WDR35: variants seen among roughly 807,000 people sequenced by gnomAD.
The protein encoded by WDR35 is WD repeat-containing protein 35.
WDR35 carries 118 observed loss-of-function variants against 158.3 expected under a neutral mutation model. The observed-to-expected ratio is 0.75, with a 90% CI of 0.64 to 0.87. The LOEUF is 0.87. WDR35 is among the 40% of genes least tolerant of loss of function. The pLI is 0.00. For missense variants in WDR35, 1,263 were observed against 1,405.8 expected (o/e 0.90, Z 1.62); for synonymous variants, 448 against 476.1 (o/e 0.94, Z 0.77).
At chr2:19,979,318 A>G (rs1400469792) in intron 4 of WDR35, among the ~76,000 whole-genome samples, 1 of 152,228 alleles carries the variant, frequency 6.6e-6, no homozygotes, top group African/African-American at 2.4e-5. Context: ...AAACTCTCCA[A>G]TGAATAATTA....
chr2:19,962,207 C>A, intron 10 of WDR35: 1 of 1,402,026 alleles, frequency 7.1e-7, no homozygotes, highest in Non-Finnish European at 1.0e-6. Context: ...GAAGTCCCCT[C>A]ATATTGCTAC....
chr2:19,931,760 A>C (rs1670532899), intron 23 of WDR35, among the ~76,000 whole-genome samples: 1 of 152,140 alleles, frequency 6.6e-6, no homozygotes, highest in African/African-American at 2.4e-5. Context: ...AAGTACACAA[A>C]GATATGATAG....
In WDR35 at chr2:19,936,245, T is replaced by C; in HGVS notation, c.2388A>G (p.Gly796=). 1 of 1,614,002 alleles carries C rather than the reference T, an allele frequency of 6.2e-7. No individual in the cohort carries two copies. The highest frequency in any genetic ancestry group is 1.1e-5 in the South Asian group (1 of 91,084). ...SLLEQANNAI[G]DYFADRQKWL... ...ACTTTTGTCGATCAGCAAAGTAGTC[T>C]CCAATGGCATTGTTGGCTTGTTCCA... is the stretch of plus-strand genomic sequence containing the variant. Residue 796 remains glycine, a synonymous_variant, in exon 20 of 27, where the codon GGA becomes GGG. Coordinates refer to ENST00000281405, the MANE Select transcript of WDR35 (RefSeq NM_020779.4).
intron 25 of WDR35, among the ~76,000 whole-genome samples, chr2:19,917,081 C>G (rs2103381769): frequency 6.6e-6 from 1 of 152,346 alleles, no homozygotes; most frequent in Non-Finnish European, 1.5e-5. Context: ...GCAGCCTCCA[C>G]TGGTGATACC....
Position 19,937,945 on chromosome 2 carries a change from G to A in WDR35, c.2065C>T (p.Arg689Cys), listed in dbSNP as rs140196566. Residue 689 changes from arginine (R) to cysteine (C), a missense_variant and splice_region_variant, in exon 19 of 27, where the codon CGC becomes TGC. By Grantham distance (180) the Arg-to-Cys change is radical. Coordinates refer to ENST00000281405, the MANE Select transcript of WDR35 (RefSeq NM_020779.4). Reference sequence around the variant, plus strand: ...TGAAGAGCTGCTTCAGCCAGTAGGCGCCTTTATTTTAAAAGAAACAAAAAC... The same window carrying A: ...TGAAGAGCTGCTTCAGCCAGTAGGCACCTTTATTTTAAAAGAAACAAAAAC... ...IEDNPHPRLW[R>C]LLAEAALQKL... The A allele has an allele frequency of 1.8e-4, 290 of 1,613,932 alleles. 1 individual carries two copies. The highest frequency in any genetic ancestry group is 1.4e-3 in the Admixed American group (82 of 59,956).
At chr2:19,965,675 G>A (rs188538301) in intron 10 of WDR35, among the ~76,000 whole-genome samples, 2 of 152,288 alleles carry the variant, frequency 1.3e-5, no homozygotes, top group East Asian at 1.9e-4. Flanking sequence ...GCTCTTCAGC[G>A]CAGAGACTCT....
intron 2 of WDR35, among the ~76,000 whole-genome samples, chr2:19,985,150 T>C (rs1672513385): frequency 6.6e-6 from 1 of 152,226 alleles, no homozygotes; most frequent in Admixed American, 6.5e-5. Context: ...CATGGCCCTA[T>C]ATACTTTTTC....
chr2:19,919,135 C>T (rs1670080193), intron 25 of WDR35, among the ~76,000 whole-genome samples: 1 of 152,152 alleles, frequency 6.6e-6, no homozygotes, highest in Non-Finnish European at 1.5e-5. Flanking sequence ...AATTCCAGCA[C>T]TTTCGGAGGC....
At chr2:19,969,631 TA>T in intron 8 of WDR35, 26 bp from the exon 9 acceptor site, 1 of 1,609,556 alleles carries the variant, frequency 6.2e-7, no homozygotes, top group African/African-American at 1.3e-5. Flanking sequence ...ATCTTTAACC[TA>T]AAGTATAACA....
chr2:19,980,545 C>T lies in WDR35; in HGVS notation c.307+146G>A, dbSNP rs1672351534. 4.5e-6 allele frequency: 3 copies of T among 670,756 alleles called. No individual in the cohort carries two copies. The Admixed American group carries it at 9.1e-5, about 20-fold the overall frequency. The allele number at this position is 670,756 out of a possible 1,614,324, so 41.6% of individuals were successfully genotyped here. On this transcript the variant is annotated intron_variant, in intron 4 of 26. Transcript: ENST00000281405. ...AAGTGAAAAGTAGGCAGCAATAAAT[C>T]CAGAAATATTATCACTGTGCAGTCA...
In WDR35 at chr2:19,948,196, C is replaced by A; in HGVS notation, c.1492G>T (p.Ala498Ser). 1 of 1,609,766 alleles carries A rather than the reference C, an allele frequency of 6.2e-7. No homozygotes were observed. The highest frequency in any genetic ancestry group is 8.5e-7 in the Non-Finnish European group (1 of 1,178,684). ...TIQGTRDPIC[A>S]ITASDKILIV... ...AATATCTTATCTGATGCAGTTATGG[C>A]ACAAATTGGATCCCTTGTGCCCTAA... Residue 498 changes from alanine to serine, a missense_variant, in exon 14 of 27, where the codon GCC becomes TCC. Ala to Ser is a moderately conservative substitution (Grantham distance 99). Coordinates refer to ENST00000281405, the MANE Select transcript of WDR35 (RefSeq NM_020779.4).
Position 19,951,454 on chromosome 2 carries a change from T to C in WDR35, c.1431A>G (p.Gly477=). 1.2e-6 allele frequency: 2 copies of C among 1,611,692 alleles called. No individual in the cohort carries two copies. The highest frequency in any genetic ancestry group is 1.7e-5 in the Admixed American group (1 of 59,920). The change falls in exon 13 of 27, where the codon GGA becomes GGG. Residue 477 remains glycine, a synonymous_variant. Transcript: ENST00000281405. ...RIYHVDDTPS[G]SMDGVLDYSK... ...TATAATCAAGCACACCATCCATTGATCCAGAAGGGGTATCATCAACATGAT... is the reference window on the plus strand; with the variant it reads ...TATAATCAAGCACACCATCCATTGACCCAGAAGGGGTATCATCAACATGAT...
intron 13 of WDR35, 53 bp downstream of exon 13, chr2:19,951,362 A>G: frequency 2.2e-6 from 3 of 1,384,502 alleles, no homozygotes; most frequent in South Asian, 2.6e-5. Context: ...TAAAATTATA[A>G]TATTTCAAAT....
chr2:19,916,248 C>G (rs949589501), intron 25 of WDR35, among the ~76,000 whole-genome samples: 6 of 152,348 alleles, frequency 3.9e-5, no homozygotes, highest in Non-Finnish European at 8.8e-5. Context: ...ACCTGCAGAC[C>G]AGGAGATTCC....
chr2:19,931,885 T>C (rs1670537397), intron 23 of WDR35, among the ~76,000 whole-genome samples: 1 of 152,142 alleles, frequency 6.6e-6, no homozygotes, highest in South Asian at 2.1e-4. Flanking sequence ...TGTGTATACA[T>C]TAATACTGTA....
chr2:19,966,639 G>C (rs1671861793), intron 10 of WDR35, 85 bp downstream of exon 10: 2 of 1,486,020 alleles, frequency 1.3e-6, no homozygotes, highest in African/African-American at 2.8e-5. Flanking sequence ...GTACTTGCCA[G>C]TGTAGAGGCC....
At position 19,980,700 on chromosome 2, in the gene WDR35, A is replaced by C; in HGVS notation, c.298T>G (p.Leu100Val). 3 of 1,613,082 alleles carry C rather than the reference A, an allele frequency of 1.9e-6. No individual in the cohort carries two copies. The highest frequency in any genetic ancestry group is 2.5e-6 in the Non-Finnish European group (3 of 1,179,140). ...TCCTAGTAAAGTATACCTTTATATA[A>C]CATCCACACAATGATAAGCCCGTTT... ...DENGLIIVWM[L>V]YKGSWIEEMI... is the part of the protein sequence containing the mutation. Residue 100 changes from leucine (L) to valine (V), a missense_variant, in exon 4 of 27, where the codon TTA becomes GTA. Coordinates refer to ENST00000281405, the MANE Select transcript of WDR35 (RefSeq NM_020779.4).
chr2:19,971,003 T>C (rs546695905), intron 8 of WDR35, among the ~76,000 whole-genome samples: 18 of 152,346 alleles, frequency 1.2e-4, no homozygotes, highest in East Asian at 1.2e-3. Context: ...AGTCAATATA[T>C]ATCTTCAATA....
chr2:19,971,106 A>G (rs1672022898), intron 8 of WDR35, among the ~76,000 whole-genome samples: 1 of 152,150 alleles, frequency 6.6e-6, no homozygotes, highest in Non-Finnish European at 1.5e-5. Context: ...GAATACAAAC[A>G]CTTTTTTAAT....
Sources: allele counts gnomAD v4.1 joint callset (sites outside exome capture counted in the v4.1 genomes callset), GRCh38; gene constraint gnomAD v4.1.1; transcripts MANE v1.5; gene names NCBI Gene and HGNC (gene_info 2026-07-23, HGNC 2026-07-21).